The following CCDC171 variants were observed in gnomAD, a reference collection of about 807,000 sequenced individuals.
CCDC171 encodes coiled-coil domain-containing protein 171.
Under a neutral mutation model 168.2 loss-of-function variants are expected in CCDC171, and 177 were observed. The ratio of observed to expected loss-of-function variants is 1.05; its 90% confidence interval spans 0.93 to 1.19. The LOEUF (loss-of-function observed/expected upper bound fraction) is 1.19. CCDC171 is among the 50% of genes most tolerant of loss of function. The pLI is 0.00. For missense variants in CCDC171, 1,991 were observed against 1,539.0 expected (o/e 1.29, Z -4.91); for synonymous variants, 687 against 540.8 (o/e 1.27, Z -3.75).
the CCDC171 span, among the ~76,000 whole-genome samples, chr9:16,099,343 C>A: frequency 6.6e-6 from 1 of 152,310 alleles, no homozygotes; most frequent in Admixed American, 6.5e-5. Context: ...GCAGAGGAGC[C>A]TCCAGGCTGG....
intron 11 of CCDC171, among the ~76,000 whole-genome samples, chr9:15,711,641 T>C (rs1345087601): frequency 1.3e-5 from 2 of 152,236 alleles, no homozygotes; most frequent in East Asian, 3.8e-4. Flanking sequence ...TATTTTTGAA[T>C]AAGGAATTTG....
At position 15,777,707 on chromosome 9, in the gene CCDC171, A is replaced by G; in HGVS notation, c.2779A>G (p.Ser927Gly). The change falls in exon 19 of 26, where the codon AGT becomes GGT. Residue 927 changes from serine to glycine, a missense_variant. Physicochemically the swap from Ser to Gly is moderately conservative, Grantham distance 56. Transcript: ENST00000380701. ...SLVMECIPLHSSRSITYVEKD... is the reference protein window; with the variant it reads ...SLVMECIPLHGSRSITYVEKD... Reference sequence around the variant, plus strand: ...GGTAATGGAATGTATACCTCTGCACAGTAGCAGGAGTATTACATATGTAGA... The same window carrying G: ...GGTAATGGAATGTATACCTCTGCACGGTAGCAGGAGTATTACATATGTAGA... 6.2e-7 allele frequency: 1 copy of G among 1,613,836 alleles called. No homozygotes were observed. Among genetic ancestry groups the G allele is most frequent in the East Asian group, 2.2e-5 (1 of 44,878 alleles).
chr9:15,607,768 G>A (rs979369935), intron 6 of CCDC171, among the ~76,000 whole-genome samples: 1 of 152,018 alleles, frequency 6.6e-6, no homozygotes, highest in African/African-American at 2.4e-5. Flanking sequence ...TGGCCTGCTT[G>A]TATTTTTGAG....
intron 24 of CCDC171, among the ~76,000 whole-genome samples, chr9:15,900,171 T>G (rs1037893004): frequency 2.6e-5 from 4 of 152,192 alleles, no homozygotes; most frequent in African/African-American, 7.2e-5. Context: ...ACCACTCCTG[T>G]GATTAGGTTA....
chr9:15,645,363 C>T (rs1267438112), intron 7 of CCDC171, among the ~76,000 whole-genome samples: 1 of 152,156 alleles, frequency 6.6e-6, no homozygotes, highest in Non-Finnish European at 1.5e-5. Flanking sequence ...AGCTCCTCCC[C>T]AGCAACAGAA....
chr9:15,735,268 T>C (rs2054418201), intron 16 of CCDC171, among the ~76,000 whole-genome samples: 1 of 152,214 alleles, frequency 6.6e-6, no homozygotes. Flanking sequence ...TGAGCCATCA[T>C]GTAAATATAT....
chr9:16,083,832 C>A, the CCDC171 span, among the ~76,000 whole-genome samples: 1 of 152,186 alleles, frequency 6.6e-6, no homozygotes, highest in Non-Finnish European at 1.5e-5. Context: ...TCCTGGAATT[C>A]CCTCTTGTGA....
intron 7 of CCDC171, among the ~76,000 whole-genome samples, chr9:15,641,492 G>C (rs2046601388): frequency 6.6e-6 from 1 of 152,120 alleles, no homozygotes; most frequent in Non-Finnish European, 1.5e-5. Context: ...GAAACTTTTG[G>C]AAGAGGCCCA....
chr9:15,808,349 C>T (rs1370001769), intron 21 of CCDC171, among the ~76,000 whole-genome samples: 2 of 152,116 alleles, frequency 1.3e-5, no homozygotes, highest in Admixed American at 6.5e-5. Flanking sequence ...AGATGTATGC[C>T]TTCAAACATG....
At chr9:15,963,509 A>G (rs557040866) in intron 25 of CCDC171, among the ~76,000 whole-genome samples, 9 of 152,318 alleles carry the variant, frequency 5.9e-5, no homozygotes, top group Admixed American at 3.9e-4. Context: ...TTTGTCTTCC[A>G]GAAAGGTTGC....
At chr9:15,647,891 A>T (rs1156854924) in intron 7 of CCDC171, among the ~76,000 whole-genome samples, 1 of 152,208 alleles carries the variant, frequency 6.6e-6, no homozygotes, top group South Asian at 2.1e-4. Context: ...TCCCTAACTC[A>T]TTTTATGAGG....
intron 24 of CCDC171, among the ~76,000 whole-genome samples, chr9:15,894,889 A>G (rs961665437): frequency 5.9e-5 from 9 of 152,158 alleles, no homozygotes; most frequent in African/African-American, 2.2e-4. Flanking sequence ...TGTAAGATCC[A>G]ACAGGGCAGG....
At chr9:15,958,543 A>ATTATATTATATTATT (rs1246220908) in intron 25 of CCDC171, among the ~76,000 whole-genome samples, 1 of 147,434 alleles carries the variant, frequency 6.8e-6, no homozygotes, top group African/African-American at 2.5e-5. Context: ...ATTATATTAT[A>ATTATATTATATTATT]TTATATTATA....
chr9:16,064,426 G>T (rs1833970375), downstream of CCDC171, among the ~76,000 whole-genome samples: 1 of 152,132 alleles, frequency 6.6e-6, no homozygotes, highest in Admixed American at 6.5e-5. Flanking sequence ...GAGGCTGAGG[G>T]CAGAGGAGGA....
chr9:15,788,577 CAT>C (rs2058087657), intron 21 of CCDC171, among the ~76,000 whole-genome samples: 3 of 150,082 alleles, frequency 2.0e-5, no homozygotes, highest in African/African-American at 7.3e-5. Flanking sequence ...TGTTTTAAAT[CAT>C]ATGTTTTTGT....
chr9:15,725,066 T>A, intron 14 of CCDC171, 90 bp downstream of exon 14: 1 of 960,664 alleles, frequency 1.0e-6, no homozygotes, highest in Non-Finnish European at 1.6e-6. Flanking sequence ...TGTATTTAAT[T>A]AAGAAAATTG....
intron 24 of CCDC171, among the ~76,000 whole-genome samples, chr9:15,906,164 C>G: frequency 6.6e-6 from 1 of 152,230 alleles, no homozygotes. Context: ...TCCTCCCTAA[C>G]TCATTTTATG....
At chr9:15,673,729 G>A (rs978797537) in intron 9 of CCDC171, among the ~76,000 whole-genome samples, 5 of 152,206 alleles carry the variant, frequency 3.3e-5, no homozygotes, top group African/African-American at 9.7e-5. Flanking sequence ...GCTTTTTGAT[G>A]TGCTGCTGGA....
intron 7 of CCDC171, among the ~76,000 whole-genome samples, chr9:15,624,207 T>A (rs2044831848): frequency 6.6e-6 from 1 of 152,174 alleles, no homozygotes; most frequent in Non-Finnish European, 1.5e-5. Context: ...TTTTAGATGA[T>A]ATGTAAATAA....
Sources: gnomAD v4.1 joint callset for allele counts (sites outside exome capture counted in the v4.1 genomes callset) on GRCh38, gnomAD v4.1.1 for gene constraint, MANE v1.5 for transcripts, NCBI Gene and HGNC (gene_info 2026-07-23, HGNC 2026-07-21) for gene names.